UBAC2: variants seen among roughly 807,000 people sequenced by gnomAD.
The protein encoded by UBAC2 is UBA domain containing 2, also known as ubiquitin-associated domain-containing protein 2.
Under a neutral mutation model 44.0 loss-of-function variants are expected in UBAC2, and 26 were observed. That is an observed-to-expected ratio of 0.59 (90% CI 0.43 to 0.82). The LOEUF is 0.82. Among genes scored for constraint, UBAC2 ranks in the 40% least tolerant of loss-of-function variants. The probability of loss-of-function intolerance (pLI) is 0.00; values close to 1 mark genes in which losing one functional copy is unlikely to be tolerated. For missense variants in UBAC2, 329 were observed against 419.4 expected, an observed-to-expected ratio of 0.78 and a Z score of 1.88; for synonymous variants, 155 against 154.3, an observed-to-expected ratio of 1.00 and a Z score of -0.04.
At chr13:99,265,425 A>G (rs560820131) in intron 4 of UBAC2, among the ~76,000 whole-genome samples, 5 of 152,368 alleles carry the variant, frequency 3.3e-5, no homozygotes, top group Admixed American at 6.5e-5. Context: ...GTTGGCTTAC[A>G]TCTTTCTGCC....
chr13:99,368,058 T>C, intron 8 of UBAC2, 152 bp downstream of exon 8: 1 of 997,124 alleles, frequency 1.0e-6, no homozygotes, highest in Non-Finnish European at 1.4e-6. Context: ...TTTGGGCTTT[T>C]TTTTGGCTAT....
intron 1 of UBAC2, among the ~76,000 whole-genome samples, chr13:99,237,218 G>A (rs1420684604): frequency 6.7e-6 from 1 of 149,128 alleles, no homozygotes; most frequent in African/African-American, 2.5e-5. Flanking sequence ...CAATGAATGG[G>A]AAAAAAATGG....
chr13:99,215,405 C>G, intron 1 of UBAC2: 2 of 1,283,662 alleles, frequency 1.6e-6, no homozygotes, highest in Non-Finnish European at 2.3e-6. Flanking sequence ...TCTTCCCAAT[C>G]AGAGATTTGT....
intron 4 of UBAC2, among the ~76,000 whole-genome samples, chr13:99,259,493 C>T (rs2043624991): frequency 6.6e-6 from 1 of 152,154 alleles, no homozygotes; most frequent in Non-Finnish European, 1.5e-5. Context: ...ACCATAGCAA[C>T]TATTTCTTGT....
chr13:99,254,983 A>G (rs2043517995), intron 4 of UBAC2: 2 of 1,613,952 alleles, frequency 1.2e-6, no homozygotes, highest in Non-Finnish European at 1.7e-6. Flanking sequence ...GACACTAATG[A>G]CTCGAGCCTG....
At chr13:99,310,107 G>A (rs1174923281) in intron 4 of UBAC2, among the ~76,000 whole-genome samples, 5 of 152,230 alleles carry the variant, frequency 3.3e-5, no homozygotes, top group African/African-American at 9.6e-5. Context: ...CAGGAGGATT[G>A]CCTGATGCCA....
At chr13:99,348,847 C>CA (rs1211705147) in intron 7 of UBAC2, among the ~76,000 whole-genome samples, 2 of 152,250 alleles carry the variant, frequency 1.3e-5, no homozygotes, top group Middle Eastern at 3.4e-3. Flanking sequence ...CTCTTCTCTA[C>CA]AAAAAAATTT....
chr13:99,215,523 AC>A, intron 1 of UBAC2: 1 of 1,470,472 alleles, frequency 6.8e-7, no homozygotes. Flanking sequence ...TATACACTTT[AC>A]CTTTAAGTCT....
At chr13:99,269,605 A>G (rs2043791303) in intron 4 of UBAC2, among the ~76,000 whole-genome samples, 1 of 152,222 alleles carries the variant, frequency 6.6e-6, no homozygotes, top group East Asian at 1.9e-4. Flanking sequence ...TCCTGACACC[A>G]TTAAGGTAAG....
chr13:99,210,980 TA>T (rs998871464), intron 1 of UBAC2, among the ~76,000 whole-genome samples: 1 of 152,186 alleles, frequency 6.6e-6, no homozygotes, highest in African/African-American at 2.4e-5. Context: ...TCCCCTCCTT[TA>T]TTTTAGTAAT....
At chr13:99,202,854 A>G (rs2042821895) in intron 1 of UBAC2, among the ~76,000 whole-genome samples, 1 of 152,148 alleles carries the variant, frequency 6.6e-6, no homozygotes, top group Admixed American at 6.5e-5. Flanking sequence ...GAACTGGGCT[A>G]GGTGCTGGGA....
In UBAC2 at chr13:99,340,562, G is replaced by A; in HGVS notation, c.804G>A (p.Gln268=). The change falls in exon 7 of 9, where the codon CAG becomes CAA. Residue 268 remains glutamine (Q), a synonymous_variant. Transcript: ENST00000403766. ...QFAQGRRQRQ[Q]QGGMINWNRL... ...CACAAGGGAGGCGACAGAGACAGCAGCAGGTAAAAGTGATAATAATCACTA... is the reference window on the plus strand; with the variant it reads ...CACAAGGGAGGCGACAGAGACAGCAACAGGTAAAAGTGATAATAATCACTA... 1 of 1,609,628 alleles carries A rather than the reference G, an allele frequency of 6.2e-7. No individual in the cohort carries two copies. Among genetic ancestry groups the A allele is most frequent in the Non-Finnish European group, 8.5e-7 (1 of 1,177,328 alleles).
At chr13:99,379,561 A>C (rs1195479283) in intron 8 of UBAC2, among the ~76,000 whole-genome samples, 1 of 152,220 alleles carries the variant, frequency 6.6e-6, no homozygotes, top group African/African-American at 2.4e-5. Context: ...CATAGCATTA[A>C]GTGGCAGGTG....
chr13:99,266,332 A>G (rs2043743368), intron 4 of UBAC2, among the ~76,000 whole-genome samples: 1 of 152,130 alleles, frequency 6.6e-6, no homozygotes, highest in South Asian at 2.1e-4. Context: ...GCCACACATA[A>G]AATACACTAA....
intron 2 of UBAC2, among the ~76,000 whole-genome samples, chr13:99,242,748 C>A (rs1432112677): frequency 2.0e-5 from 3 of 149,494 alleles, no homozygotes; most frequent in Non-Finnish European, 4.5e-5. Context: ...CCACCTCTCT[C>A]CCGGACGGGG....
In UBAC2 at chr13:99,234,359, T is replaced by G. The variant is rs183719893; in HGVS notation, c.32-4068T>G. The G allele has an allele frequency of 2.1e-4, 70 of 327,012 alleles. No homozygotes were observed. In the East Asian group the frequency reaches 7.3e-3, roughly 34 times the overall value. The allele number at this position is 327,012 out of a possible 1,614,324, so 20.3% of individuals were successfully genotyped here. On this transcript the variant is annotated intron_variant, in intron 1 of 8. Coordinates refer to ENST00000403766, the MANE Select transcript of UBAC2 (RefSeq NM_001144072.2). ...CTTGCCACCACGCCCGGGTAATTTT[T>G]TTGTATTTTTAGTAGAGATGGGGTT...
intron 1 of UBAC2, among the ~76,000 whole-genome samples, chr13:99,231,911 G>A (rs574195951): frequency 2.6e-5 from 4 of 152,178 alleles, no homozygotes; most frequent in African/African-American, 4.8e-5. Context: ...ATTGGTTGCT[G>A]ATCATAATGC....
intron 7 of UBAC2, among the ~76,000 whole-genome samples, chr13:99,350,443 C>T (rs2045066464): frequency 1.3e-5 from 2 of 152,168 alleles, no homozygotes; most frequent in African/African-American, 4.8e-5. Context: ...TTGAGTTGAT[C>T]ACCAATGGCC....
At position 99,245,783 on chromosome 13, in the gene UBAC2, G is replaced by A. The variant is rs112788225; in HGVS notation, c.389+1159G>A. On this transcript the variant is annotated intron_variant, in intron 4 of 8. Coordinates refer to ENST00000403766, the MANE Select transcript of UBAC2 (RefSeq NM_001144072.2). ...CCGGGAGGCAGAGGTTGCAGTGAGC[G>A]GAGATCGCTCCACTGCACTTCAGCC... Among the ~76,000 whole-genome samples, 1,517 of 152,164 alleles carry A rather than the reference G, an allele frequency of 1.0e-2. 29 individuals are homozygous for A. The highest frequency in any genetic ancestry group is 0.035 in the African/African-American group (1,468 of 41,508).
Sources: allele counts gnomAD v4.1 joint callset (sites outside exome capture counted in the v4.1 genomes callset), GRCh38; gene constraint gnomAD v4.1.1; transcripts MANE v1.5; gene names NCBI Gene and HGNC (gene_info 2026-07-23, HGNC 2026-07-21).